Variants in HLA-G observed in about 807,000 individuals in gnomAD.
The protein encoded by HLA-G is HLA class I histocompatibility antigen, alpha chain G.
In HLA-G, 34 loss-of-function variants were observed where a neutral mutation model predicts 39.3. That is an observed-to-expected ratio of 0.86 (90% CI 0.66 to 1.15). HLA-G has a LOEUF of 1.15. Among genes scored for constraint, HLA-G ranks in the 50% most tolerant of loss-of-function variants. The pLI, the probability that HLA-G is intolerant of heterozygous loss-of-function variation, is 0.00. For synonymous variants in HLA-G, 183 were observed against 185.8 expected (o/e 0.99, Z 0.12); for missense variants, 419 against 456.4 (o/e 0.92, Z 0.75).
At chr6:29,827,373 G>C (rs1424892174), upstream of HLA-G, 1 of 350,460 alleles carries the variant, frequency 2.9e-6, no homozygotes, top group African/African-American at 2.1e-5. Context: ...GCTCCCTGGG[G>C]TGATTTTTCT....
At chr6:29,829,100 GGCACC>G (rs1476736058) in intron 3 of HLA-G, among the ~76,000 whole-genome samples, 4 of 152,042 alleles carry the variant, frequency 2.6e-5, no homozygotes, top group Middle Eastern at 3.4e-3. Flanking sequence ...CAGCAGCCTT[GGCACC>G]AGGACTTTTC....
At chr6:29,828,349 A>C (rs1554266257) in intron 2 of HLA-G, 33 bp downstream of exon 2, 3 of 1,587,480 alleles carry the variant, frequency 1.9e-6, no homozygotes, top group Non-Finnish European at 8.6e-7. Context: ...GCAGATCACG[A>C]CCCCCACCTC....
chr6:29,830,320 T>C (rs1761165280), intron 5 of HLA-G, 58 bp from the exon 6 acceptor site: 7 of 1,591,526 alleles, frequency 4.4e-6, no homozygotes, highest in Admixed American at 1.7e-5. Flanking sequence ...GAGGTTCCTC[T>C]AGGACCTCAT....
chr6:29,829,464 G>A lies in HLA-G; in HGVS notation c.666G>A (p.Glu222=). 6.2e-7 allele frequency: 1 copy of A among 1,613,850 alleles called. No individual in the cohort carries two copies. ...HVTHHPVFDY[E]ATLRCWALGF... is the part of the protein sequence containing the mutation. ...CCCACCACCCTGTCTTTGACTATGA[G>A]GCCACCCTGAGGTGCTGGGCCCTGG... Residue 222 remains glutamate, a synonymous_variant, in exon 4 of 7, where the codon GAG becomes GAA. Coordinates refer to ENST00000360323, the MANE Select transcript of HLA-G (RefSeq NM_001384290.1).
chr6:29,828,581 G>A lies in HLA-G; in HGVS notation c.382G>A (p.Gly128Arg), dbSNP rs775093980. The A allele has an allele frequency of 2.5e-6, 4 of 1,613,046 alleles. No individual in the cohort carries two copies. Among genetic ancestry groups the A allele is most frequent in the East Asian group, 2.2e-5 (1 of 44,872 alleles). ...CCAGTGGATGATTGGCTGCGACCTG[G>A]GGTCCGACGGACGCCTCCTCCGCGG... Reference protein sequence around the residue: ...TLQWMIGCDLGSDGRLLRGYE... With the variant: ...TLQWMIGCDLRSDGRLLRGYE... Residue 128 changes from glycine (G) to arginine (R), a missense_variant, in exon 3 of 7, where the codon GGG becomes AGG. This residue lies in a region of HLA-G where 328 missense variants were observed against 323.0 expected (regional missense o/e 1.02). Coordinates refer to ENST00000360323, the MANE Select transcript of HLA-G (RefSeq NM_001384290.1).
intron 5 of HLA-G, 69 bp from the exon 6 acceptor site, chr6:29,830,309 G>C: frequency 6.5e-7 from 1 of 1,534,210 alleles, no homozygotes; most frequent in Non-Finnish European, 9.0e-7. Context: ...TCCAAGACTA[G>C]GAGGTTCCTC....
rs751279483 is a variant in HLA-G, at chr6:29,828,090, C to G, written c.117C>G (p.Pro39=). The change falls in exon 2 of 7, where the codon CCC becomes CCG. Residue 39 remains proline, a synonymous_variant. Transcript: ENST00000360323. ...ATTTCAGCGCCGCCGTGTCCCGGCC[C>G]GGCCGCGGGGAGCCCCGCTTCATCG... is the stretch of plus-strand genomic sequence containing the variant. The part of the protein sequence containing the change: ...MRYFSAAVSR[P]GRGEPRFIAM... The G allele has an allele frequency of 2.1e-5, 34 of 1,612,308 alleles. No homozygotes were observed. The highest frequency in any genetic ancestry group is 2.7e-5 in the Non-Finnish European group (32 of 1,179,636).
At position 29,830,889 on chromosome 6, in the gene HLA-G, C is replaced by T; in HGVS notation, c.*150C>T. On this transcript the variant is annotated 3_prime_UTR_variant, in exon 7 of 7. Coordinates refer to ENST00000360323, the MANE Select transcript of HLA-G (RefSeq NM_001384290.1). ...GCCCACCATGACCCTCTTCCTCATG[C>T]TGAACTGCATTCCTTCCCCAATCAC... The T allele has an allele frequency of 2.8e-6, 1 of 352,428 alleles. No homozygotes were observed. The highest frequency in any genetic ancestry group is 5.9e-6 in the Non-Finnish European group (1 of 170,026). 21.8% of individuals were successfully genotyped at this position (352,428 alleles called of 1,614,324 possible).
chr6:29,829,949 A>C lies in HLA-G; in HGVS notation c.1012+17A>C, dbSNP rs777740260. The C allele has an allele frequency of 1.3e-6, 2 of 1,559,930 alleles. No homozygotes were observed. Among genetic ancestry groups the C allele is most frequent in the East Asian group, 4.5e-5 (2 of 44,662 alleles). On this transcript the variant is annotated intron_variant, in intron 5 of 6. Coordinates refer to ENST00000360323, the MANE Select transcript of HLA-G (RefSeq NM_001384290.1). Reference sequence around the variant, plus strand: ...AGAGCTCAGGTAAGGAAGGGGTGACAAGTGGGGTCTGAGTTTTCTTGTCCC... The same window carrying C: ...AGAGCTCAGGTAAGGAAGGGGTGACCAGTGGGGTCTGAGTTTTCTTGTCCC...
At chr6:29,830,006 G>A (rs1341361954) in intron 5 of HLA-G, 74 bp downstream of exon 5, 6 of 1,041,984 alleles carry the variant, frequency 5.8e-6, no homozygotes, top group African/African-American at 4.7e-5. Context: ...GTAGAAGTGT[G>A]CCCTGCCTGG....
At chr6:29,827,305 A>G (rs903151445), upstream of HLA-G, 613 of 327,796 alleles carry the variant, frequency 1.9e-3, 6 homozygotes, top group Non-Finnish European at 8.7e-4. Context: ...TTTAAGGGGG[A>G]AAAAAAACCC....
In HLA-G at chr6:29,828,836, G is replaced by A; in HGVS notation, c.619+18G>A. On this transcript the variant is annotated intron_variant, in intron 3 of 6. Coordinates refer to ENST00000360323, the MANE Select transcript of HLA-G (RefSeq NM_001384290.1). The stretch of plus-strand genomic sequence containing the variant: ...GCGCGCGGGTACCAGGGGCAGTGGG[G>A]CGCCTCCCTGATCTCCTGTAGACCT... 3 of 1,614,002 alleles carry A rather than the reference G, an allele frequency of 1.9e-6. No homozygotes were observed. The highest frequency in any genetic ancestry group is 1.7e-6 in the Non-Finnish European group (2 of 1,179,992).
At chr6:29,828,916 C>T (rs1760992029) in intron 3 of HLA-G, 98 bp downstream of exon 3, 4 of 1,485,750 alleles carry the variant, frequency 2.7e-6, no homozygotes, top group African/African-American at 2.8e-5. Flanking sequence ...ACTAGAATAT[C>T]GCCCTCCCTC....
At chr6:29,830,601 G>T (rs1761189186) in intron 6 of HLA-G, 167 bp from the exon 7 acceptor site, 1 of 749,742 alleles carries the variant, frequency 1.3e-6, no homozygotes, top group East Asian at 2.5e-5. Context: ...GCTTGTAAAT[G>T]TGACACCCCG....
upstream of HLA-G, chr6:29,827,589 TC>T (rs551170211): frequency 1.4e-3 from 713 of 513,968 alleles, 8 homozygotes; most frequent in African/African-American, 0.013. Context: ...CAGGGCGAAG[TC>T]CCAGGGCCTC....
chr6:29,828,882 G>A, intron 3 of HLA-G, 64 bp downstream of exon 3: 1 of 1,606,590 alleles, frequency 6.2e-7, no homozygotes, highest in Non-Finnish European at 8.5e-7. Flanking sequence ...CCTAGCACAA[G>A]GAGAGGAGGA....
intron 1 of HLA-G, 38 bp downstream of exon 1, chr6:29,827,955 G>C: frequency 6.3e-7 from 1 of 1,592,950 alleles, no homozygotes; most frequent in Non-Finnish European, 8.5e-7. Context: ...CCCCTGCGCG[G>C]AGGAGGGAGG....
rs1458678175 is a variant in HLA-G at position 29,827,925 on chromosome 6, C to T, written c.73+8C>T. 12 of 1,608,368 alleles carry T rather than the reference C, an allele frequency of 7.5e-6. No individual in the cohort carries two copies. Among genetic ancestry groups the T allele is most frequent in the Non-Finnish European group, 9.3e-6 (11 of 1,177,792 alleles). On this transcript the variant is annotated splice_region_variant and intron_variant, in intron 1 of 6. Transcript: ENST00000360323. ...TGACCGAGACCTGGGCGGGTGAGTG[C>T]GGGGTCAGGAGGGAAACAGCCCCTG...
In HLA-G at chr6:29,828,645, C is replaced by G. The variant is rs1239606287; in HGVS notation, c.446C>G (p.Ala149Gly). ...GCCTACGATGGCAAGGATTACCTCGCCCTGAACGAGGACCTGCGCTCCTGG... is the reference window on the plus strand; with the variant it reads ...GCCTACGATGGCAAGGATTACCTCGGCCTGAACGAGGACCTGCGCTCCTGG... ...QYAYDGKDYL[A>G]LNEDLRSWTA... Residue 149 changes from alanine (A) to glycine (G), a missense_variant, in exon 3 of 7, where the codon GCC becomes GGC. Ala to Gly is a moderately conservative substitution (Grantham distance 60, BLOSUM62 0). This residue lies in a region of HLA-G where 328 missense variants were observed against 323.0 expected (regional missense o/e 1.02). Coordinates refer to ENST00000360323, the MANE Select transcript of HLA-G (RefSeq NM_001384290.1). The G allele has an allele frequency of 6.2e-7, 1 of 1,613,002 alleles. No homozygotes were observed. The highest frequency in any genetic ancestry group is 2.2e-5 in the East Asian group (1 of 44,892).
Sources: allele counts gnomAD v4.1 joint callset (sites outside exome capture counted in the v4.1 genomes callset), GRCh38; gene constraint gnomAD v4.1.1; regional missense constraint gnomAD v4.1.1; transcripts MANE v1.5; gene names NCBI Gene and HGNC (gene_info 2026-07-23, HGNC 2026-07-21).